FOCAD: variants seen among roughly 807,000 people sequenced by gnomAD.
FOCAD encodes KIAA1797.
FOCAD carries 198 observed loss-of-function variants against 225.6 expected under a neutral mutation model. The observed-to-expected ratio is 0.88, with a 90% CI of 0.78 to 0.99. FOCAD has a LOEUF of 0.99. Ranked by LOEUF, FOCAD falls within the 50% of genes least tolerant of loss-of-function variation. The pLI is 0.00. For missense variants in FOCAD, 2,713 were observed against 2,123.6 expected (o/e 1.28, Z -5.46); for synonymous variants, 897 against 755.0 (o/e 1.19, Z -3.08).
intron 35 of FOCAD, among the ~76,000 whole-genome samples, chr9:20,974,360 C>T (rs1377968703): frequency 9.4e-6 from 1 of 106,012 alleles, no homozygotes; most frequent in African/African-American, 3.9e-5. Flanking sequence ...CTGTTTTTTT[C>T]CTGCTGACTC....
At position 20,995,510 on chromosome 9, in the gene FOCAD, A is replaced by C. The variant is rs774688119; in HGVS notation, c.5333-46A>C. The C allele has an allele frequency of 5.3e-6, 8 of 1,523,380 alleles. No individual in the cohort carries two copies. In the African/African-American group the frequency reaches 8.2e-5, roughly 16 times the overall value. 94.4% of individuals were successfully genotyped at this position (1,523,380 alleles called of 1,614,324 possible). A position where few individuals can be genotyped will look rare whatever the true frequency, so the allele number is the denominator to read the frequency against. ...TTCTGTTCTGACACCTTTTTGATCA[A>C]AATGACCTTTTCAAATGCAGCCATA... On this transcript the variant is annotated intron_variant, in intron 43 of 43. Transcript: ENST00000338382.
At chr9:20,808,375 C>T (rs900514345) in intron 11 of FOCAD, among the ~76,000 whole-genome samples, 20 of 152,260 alleles carry the variant, frequency 1.3e-4, no homozygotes, top group Non-Finnish European at 2.8e-4. Flanking sequence ...GCAGGTTTGC[C>T]ACCTGTAAGG....
intron 1 of FOCAD, among the ~76,000 whole-genome samples, chr9:20,705,097 C>T (rs72701980): frequency 0.02 from 3,093 of 152,192 alleles, 41 homozygotes; most frequent in South Asian, 0.04. Flanking sequence ...TAACTATCTC[C>T]GGGTTACTGT....
chr9:20,921,258 T>C (rs865884246), intron 24 of FOCAD, among the ~76,000 whole-genome samples: 1 of 152,214 alleles, frequency 6.6e-6, no homozygotes. Flanking sequence ...GAAAGCATCA[T>C]TGTAGCTCAG....
At chr9:20,938,113 C>A (rs957367269) in intron 28 of FOCAD, among the ~76,000 whole-genome samples, 7 of 152,212 alleles carry the variant, frequency 4.6e-5, no homozygotes, top group African/African-American at 1.7e-4. Context: ...GAAATAGGAA[C>A]ACTTTTACAC....
At chr9:20,954,833 C>T (rs998474892) in intron 35 of FOCAD, among the ~76,000 whole-genome samples, 1 of 152,186 alleles carries the variant, frequency 6.6e-6, no homozygotes, top group African/African-American at 2.4e-5. Context: ...TTACACATTA[C>T]TAATGATGAC....
chr9:20,736,265 T>A (rs1431614224), intron 4 of FOCAD, among the ~76,000 whole-genome samples: 1 of 152,172 alleles, frequency 6.6e-6, no homozygotes, highest in African/African-American at 2.4e-5. Context: ...ATTATTTTAT[T>A]TCAGAAATCT....
intron 15 of FOCAD, among the ~76,000 whole-genome samples, chr9:20,826,528 C>A (rs1824908647): frequency 6.6e-6 from 1 of 152,020 alleles, no homozygotes; most frequent in Non-Finnish European, 1.5e-5. Context: ...TTGCATATGG[C>A]CTATTGTGGG....
chr9:20,896,199 G>C lies in FOCAD; in HGVS notation c.2626-10951G>C, dbSNP rs538450122. Reference sequence around the variant, plus strand: ...TTTTCTAATATTGATTTAGTCTTGTGTACCAAAATCCATGTGGTTGTGGTG... The same window carrying C: ...TTTTCTAATATTGATTTAGTCTTGTCTACCAAAATCCATGTGGTTGTGGTG... On this transcript the variant is annotated intron_variant, in intron 21 of 43. Coordinates refer to ENST00000338382, the MANE Select transcript of FOCAD (RefSeq NM_001375567.1). 2.1e-4 allele frequency among the ~76,000 whole-genome samples: 32 copies of C among 151,954 alleles called. 1 individual carries two copies. In the South Asian group the frequency reaches 6.4e-3, roughly 31 times the overall value.
At chr9:20,979,017 GTGT>G (rs1840452886) in intron 37 of FOCAD, among the ~76,000 whole-genome samples, 1 of 152,216 alleles carries the variant, frequency 6.6e-6, no homozygotes, top group Non-Finnish European at 1.5e-5. Context: ...ACCGAGTCTG[GTGT>G]TTTTGATAGA....
intron 41 of FOCAD, among the ~76,000 whole-genome samples, chr9:20,988,930 G>A (rs1202038265): frequency 3.3e-5 from 5 of 152,170 alleles, no homozygotes; most frequent in Admixed American, 3.3e-4. Context: ...ATGTGCATGT[G>A]TGCATATATG....
At chr9:20,943,317 AT>A (rs1836855421) in intron 28 of FOCAD, among the ~76,000 whole-genome samples, 1 of 152,214 alleles carries the variant, frequency 6.6e-6, no homozygotes, top group Admixed American at 6.5e-5. Flanking sequence ...GGATTTTTGA[AT>A]GGCTGATCGT....
chr9:20,661,684 A>T (rs185805158), intron 2 of FOCAD, among the ~76,000 whole-genome samples: 1 of 152,360 alleles, frequency 6.6e-6, no homozygotes, highest in East Asian at 1.9e-4. Flanking sequence ...TAATTTTCAT[A>T]TTGCTAAACA....
intron 11 of FOCAD, among the ~76,000 whole-genome samples, chr9:20,791,971 G>C (rs779751890): frequency 2.6e-5 from 4 of 152,192 alleles, no homozygotes; most frequent in Non-Finnish European, 5.9e-5. Flanking sequence ...ATATTATCCT[G>C]TCTCAGCATT....
At chr9:20,994,549 G>A (rs1564258646) in intron 43 of FOCAD, among the ~76,000 whole-genome samples, 1 of 152,188 alleles carries the variant, frequency 6.6e-6, no homozygotes. Flanking sequence ...AGAATTCATT[G>A]GTTGTAATCT....
In FOCAD at chr9:20,916,473, G is replaced by A. The variant is rs141217861; in HGVS notation, c.2808-420G>A. On this transcript the variant is annotated intron_variant, in intron 23 of 43. Transcript: ENST00000338382. ...GGTGAGCTCTCATGTAAAAAAGAGA[G>A]ACTGTCTTAGTCAGTTTGGGCTTCT... Among the ~76,000 whole-genome samples the A allele has an allele frequency of 5.3e-5, 8 of 152,328 alleles. No individual in the cohort carries two copies. In the East Asian group the frequency reaches 1.5e-3, roughly 29 times the overall value.
chr9:20,799,644 G>T (rs1429515688), intron 11 of FOCAD, among the ~76,000 whole-genome samples: 1 of 151,660 alleles, frequency 6.6e-6, no homozygotes, highest in Non-Finnish European at 1.5e-5. Context: ...TTTAAAGTCT[G>T]TTTTATCCAA....
intron 10 of FOCAD, among the ~76,000 whole-genome samples, chr9:20,787,652 A>G (rs1045378946): frequency 6.6e-6 from 1 of 152,214 alleles, no homozygotes; most frequent in Admixed American, 6.5e-5. Context: ...AGAAAATTGC[A>G]TATAATGAAT....
chr9:20,756,811 T>G (rs1829095821), intron 5 of FOCAD, among the ~76,000 whole-genome samples: 2 of 152,194 alleles, frequency 1.3e-5, no homozygotes, highest in Non-Finnish European at 2.9e-5. Flanking sequence ...TTGTTACTCT[T>G]TTTTGAAAAA....
Sources: gnomAD v4.1 joint callset for allele counts (sites outside exome capture counted in the v4.1 genomes callset) on GRCh38, gnomAD v4.1.1 for gene constraint, MANE v1.5 for transcripts, NCBI Gene and HGNC (gene_info 2026-07-23, HGNC 2026-07-21) for gene names.